ARHGAP42: variants seen among roughly 807,000 people sequenced by gnomAD.
ARHGAP42 encodes rho GTPase-activating protein 42.
Under a neutral mutation model 125.0 loss-of-function variants are expected in ARHGAP42, and 63 were observed. The ratio of observed to expected loss-of-function variants is 0.50; its 90% CI spans 0.41 to 0.62. The LOEUF is 0.62. Among genes scored for constraint, ARHGAP42 ranks in the 20% least tolerant of loss-of-function variants. ARHGAP42 has a pLI of 0.00. For synonymous variants in ARHGAP42, 339 were observed against 351.0 expected (o/e 0.97, Z 0.38); for missense variants, 766 against 1,024.2 (o/e 0.75, Z 3.44).
intron 4 of ARHGAP42, among the ~76,000 whole-genome samples, chr11:100,897,630 G>A (rs1261800437): frequency 6.6e-6 from 1 of 152,092 alleles, no homozygotes; most frequent in Non-Finnish European, 1.5e-5. Context: ...CTCATGATTT[G>A]GCTCTCTGTT....
At chr11:100,895,001 C>T (rs528480343) in intron 4 of ARHGAP42, among the ~76,000 whole-genome samples, 1 of 152,114 alleles carries the variant, frequency 6.6e-6, no homozygotes, top group Non-Finnish European at 1.5e-5. Flanking sequence ...TATACAGGAC[C>T]ACCATAAAAA....
intron 1 of ARHGAP42, among the ~76,000 whole-genome samples, chr11:100,690,032 C>T (rs1861160063): frequency 6.6e-6 from 1 of 152,180 alleles, no homozygotes; most frequent in South Asian, 2.1e-4. Flanking sequence ...CTAGCCCAGA[C>T]ATGTCCCCTG....
chr11:100,933,864 C>A (rs544526488), intron 7 of ARHGAP42, among the ~76,000 whole-genome samples: 1 of 151,892 alleles, frequency 6.6e-6, no homozygotes, highest in Non-Finnish European at 1.5e-5. Context: ...CTCGGCTCAC[C>A]GCAACCTCCA....
In ARHGAP42 at chr11:100,993,894, A is replaced by G. The variant is rs1858906548; in HGVS notation, c.*5093A>G. The G allele has an allele frequency of 6.0e-6, 1 of 167,040 alleles. No homozygotes were observed. The highest frequency in any genetic ancestry group is 1.5e-5 in the Non-Finnish European group (1 of 68,118). 10.3% of individuals were successfully genotyped at this position (167,040 alleles called of 1,614,324 possible). On this transcript the variant is annotated 3_prime_UTR_variant, in exon 24 of 24. Transcript: ENST00000298815. ...CACAATATTTTTAATGTATGGTTAC[A>G]CTGTGTTTTAAATTACTTTAAAAAT...
chr11:100,923,840 G>A (rs1369342595), intron 6 of ARHGAP42, among the ~76,000 whole-genome samples: 2 of 152,020 alleles, frequency 1.3e-5, no homozygotes, highest in African/African-American at 4.8e-5. Flanking sequence ...TGTCAGTTTG[G>A]TCTCATCCTC....
At chr11:100,848,569 T>C (rs1216024416) in intron 3 of ARHGAP42, among the ~76,000 whole-genome samples, 2 of 151,838 alleles carry the variant, frequency 1.3e-5, no homozygotes, top group Non-Finnish European at 2.9e-5. Flanking sequence ...AGTGGCACAA[T>C]CTCGGCTCAC....
rs541662047 is a variant in ARHGAP42 at position 100,835,148 on chromosome 11, C to T, written c.313-24406C>T. On this transcript the variant is annotated intron_variant, in intron 3 of 23. Coordinates refer to ENST00000298815, the MANE Select transcript of ARHGAP42 (RefSeq NM_152432.4). ...TGCTGGAAAGCCCCATCCTCAAGGC[C>T]TTTGGATATAAAAGGGATGGAACTT... 5.9e-5 allele frequency among the ~76,000 whole-genome samples: 9 copies of T among 152,076 alleles called. No homozygotes were observed. In the East Asian group the frequency reaches 1.7e-3, roughly 29 times the overall value.
intron 1 of ARHGAP42, among the ~76,000 whole-genome samples, chr11:100,766,552 TA>T (rs1862833782): frequency 6.6e-6 from 1 of 152,196 alleles, no homozygotes. Context: ...AAACTTTAGT[TA>T]GACAATTAGA....
intron 1 of ARHGAP42, among the ~76,000 whole-genome samples, chr11:100,743,429 C>T (rs1862231051): frequency 6.6e-6 from 1 of 152,160 alleles, no homozygotes; most frequent in South Asian, 2.1e-4. Context: ...TAGTGAGAAG[C>T]TTGCTTTTAG....
At chr11:100,911,018 G>A (rs923290403) in intron 4 of ARHGAP42, among the ~76,000 whole-genome samples, 20 of 152,090 alleles carry the variant, frequency 1.3e-4, no homozygotes, top group African/African-American at 3.1e-4. Context: ...TACAAGTGTT[G>A]TCACCACAGC....
At chr11:100,930,044 G>C (rs11224518) in intron 6 of ARHGAP42, among the ~76,000 whole-genome samples, 14,511 of 152,186 alleles carry the variant, frequency 0.095, 933 homozygotes, top group Non-Finnish European at 0.13. Flanking sequence ...GAATAATAAA[G>C]TGCTATATGA....
At chr11:100,825,702 G>C (rs1440955738) in intron 3 of ARHGAP42, among the ~76,000 whole-genome samples, 1 of 152,064 alleles carries the variant, frequency 6.6e-6, no homozygotes, top group Non-Finnish European at 1.5e-5. Context: ...CCTTAAATCT[G>C]CTTCAAAGTG....
chr11:100,805,310 A>G (rs886533154), intron 3 of ARHGAP42, among the ~76,000 whole-genome samples: 1 of 152,210 alleles, frequency 6.6e-6, no homozygotes, highest in African/African-American at 2.4e-5. Context: ...AATAACAATA[A>G]CTAACATATA....
chr11:100,772,517 C>T (rs1781613693), intron 2 of ARHGAP42, among the ~76,000 whole-genome samples: 1 of 152,152 alleles, frequency 6.6e-6, no homozygotes, highest in Non-Finnish European at 1.5e-5. Flanking sequence ...CCAGCCATGC[C>T]TGTCACTTGC....
At chr11:100,890,200 C>T (rs1866185434) in intron 4 of ARHGAP42, among the ~76,000 whole-genome samples, 1 of 152,136 alleles carries the variant, frequency 6.6e-6, no homozygotes, top group Admixed American at 6.5e-5. Context: ...ACGTTTCTGC[C>T]TCTCGAGATG....
chr11:100,783,930 G>T (rs982649164), intron 2 of ARHGAP42, among the ~76,000 whole-genome samples: 3 of 152,152 alleles, frequency 2.0e-5, no homozygotes, highest in African/African-American at 7.2e-5. Flanking sequence ...TTACAAAATA[G>T]AAGGGGGGTC....
chr11:100,691,151 A>C (rs917399424), intron 1 of ARHGAP42, among the ~76,000 whole-genome samples: 1 of 152,202 alleles, frequency 6.6e-6, no homozygotes, highest in African/African-American at 2.4e-5. Context: ...ATGTTTGAAA[A>C]TATTCTTACT....
intron 3 of ARHGAP42, among the ~76,000 whole-genome samples, chr11:100,838,201 G>T (rs553024284): frequency 6.6e-6 from 1 of 151,820 alleles, no homozygotes; most frequent in Non-Finnish European, 1.5e-5. Context: ...TGCATTTTGC[G>T]CAGGAATTAA....
At chr11:100,828,232 C>T (rs888700237) in intron 3 of ARHGAP42, among the ~76,000 whole-genome samples, 10 of 151,140 alleles carry the variant, frequency 6.6e-5, no homozygotes, top group African/African-American at 2.4e-4. Context: ...TTTTGTGTTA[C>T]ACCCTTTAGA....
Sources: gnomAD v4.1 joint callset for allele counts (sites outside exome capture counted in the v4.1 genomes callset) on GRCh38, gnomAD v4.1.1 for gene constraint, MANE v1.5 for transcripts, NCBI Gene and HGNC (gene_info 2026-07-23, HGNC 2026-07-21) for gene names.